DHRS4L2: variants seen among roughly 807,000 people sequenced by gnomAD.
DHRS4L2 encodes the protein dehydrogenase/reductase SDR family member 4-like 2.
Under a neutral mutation model 23.9 loss-of-function variants are expected in DHRS4L2, and 22 were observed. The ratio of observed to expected loss-of-function variants is 0.92; its 90% CI spans 0.66 to 1.31. The LOEUF (loss-of-function observed/expected upper bound fraction) is 1.31. Ranked by LOEUF, DHRS4L2 falls within the 40% of genes most tolerant of loss-of-function variation. The pLI, the probability that DHRS4L2 is intolerant of heterozygous loss-of-function variation, is 0.00. For missense variants in DHRS4L2, 385 were observed against 303.3 expected (o/e 1.27, Z -2.00); for synonymous variants, 141 against 123.7 (o/e 1.14, Z -0.93).
rs547199483 is a variant in DHRS4L2, at chr14:23,973,051, C to T, written c.-176+2719C>T. ...TGTACAATCGGGATTTATACCGAGA[C>T]ATTTAGTTCCCATGGGCAGGCAGGA... is the stretch of plus-strand genomic sequence containing the variant. On this transcript the variant is annotated intron_variant, in intron 1 of 5. Transcript: ENST00000534993. 4.6e-5 allele frequency among the ~76,000 whole-genome samples: 7 copies of T among 151,990 alleles called. No individual in the cohort carries two copies. In the East Asian group the frequency reaches 1.4e-3, roughly 29 times the overall value.
intron 1 of DHRS4L2, among the ~76,000 whole-genome samples, chr14:23,989,698 G>GTT (rs2034226429): frequency 1.3e-5 from 2 of 151,788 alleles, no homozygotes; most frequent in African/African-American, 4.8e-5. Context: ...TGCAGAATGT[G>GTT]TAACTCTTCT....
intron 1 of DHRS4L2, among the ~76,000 whole-genome samples, chr14:23,977,229 T>A (rs754346822): frequency 6.6e-6 from 1 of 151,930 alleles, no homozygotes; most frequent in African/African-American, 2.4e-5. Context: ...TTCTGGGTTC[T>A]TTTTTAAGTA....
At chr14:23,975,279 A>C (rs199952404) in intron 1 of DHRS4L2, among the ~76,000 whole-genome samples, 1 of 151,772 alleles carries the variant, frequency 6.6e-6, no homozygotes, top group Non-Finnish European at 1.5e-5. Flanking sequence ...AAGCATTCCT[A>C]TATGCAAATA....
intron 1 of DHRS4L2, among the ~76,000 whole-genome samples, chr14:23,972,363 G>A (rs1462895512): frequency 2.0e-5 from 3 of 151,862 alleles, no homozygotes; most frequent in Admixed American, 6.6e-5. Context: ...GGAGTTGTTC[G>A]TTCCTCCTGT....
chr14:23,995,222 C>G, intron 3 of DHRS4L2, 89 bp downstream of exon 3: 1 of 1,477,314 alleles, frequency 6.8e-7, no homozygotes, highest in South Asian at 1.1e-5. Context: ...TTCTCAAGGG[C>G]AGTGTAAATG....
intron 1 of DHRS4L2, chr14:23,970,453 CA>C: frequency 2.8e-6 from 1 of 353,426 alleles, no homozygotes; most frequent in Non-Finnish European, 5.6e-6. Context: ...ACAGTGTAAA[CA>C]AAGCTGCAGG....
At position 23,972,446 on chromosome 14, in the gene DHRS4L2, G is replaced by A. The variant is rs1365624006; in HGVS notation, c.-176+2114G>A. ...AGGAGTGAAGCTGCAGACCTTCACG[G>A]TGAGTGTTACAGCTCATAAAGGCAG... On this transcript the variant is annotated intron_variant, in intron 1 of 5. Transcript: ENST00000534993. 3.9e-5 allele frequency among the ~76,000 whole-genome samples: 6 copies of A among 152,150 alleles called. No individual in the cohort carries two copies. In the South Asian group the frequency reaches 8.4e-4, roughly 21 times the overall value.
intron 1 of DHRS4L2, among the ~76,000 whole-genome samples, chr14:23,981,910 A>G (rs1410381763): frequency 6.6e-6 from 1 of 151,794 alleles, no homozygotes; most frequent in African/African-American, 2.4e-5. Context: ...ACCTCCTGCC[A>G]CAGGGTGGTT....
intron 2 of DHRS4L2, among the ~76,000 whole-genome samples, 191 bp from the exon 3 acceptor site, chr14:23,994,841 G>A (rs1266649785): frequency 2.0e-5 from 3 of 151,620 alleles, no homozygotes; most frequent in African/African-American, 7.3e-5. Context: ...TAAAGATAAG[G>A]TCTCGCTGCA....
intron 1 of DHRS4L2, among the ~76,000 whole-genome samples, chr14:23,973,444 G>T (rs944619477): frequency 6.6e-6 from 1 of 151,956 alleles, no homozygotes; most frequent in Non-Finnish European, 1.5e-5. Flanking sequence ...CAGTGCAGCG[G>T]CGGGCTGAAG....
intron 2 of DHRS4L2, among the ~76,000 whole-genome samples, chr14:23,994,195 T>A (rs1022965017): frequency 6.6e-6 from 1 of 151,694 alleles, no homozygotes; most frequent in African/African-American, 2.4e-5. Flanking sequence ...GAGATAATGG[T>A]AACTTATTCA....
At chr14:23,988,719 G>C (rs868770664), upstream of DHRS4L2, 7 of 1,279,844 alleles carry the variant, frequency 5.5e-6, no homozygotes, top group South Asian at 1.3e-4. Context: ...AGAGCGCTTT[G>C]ATCACTCACC....
Position 23,992,023 on chromosome 14 carries a change from C to T in DHRS4L2, c.306+1664C>T, listed in dbSNP as rs182707307. Among the ~76,000 whole-genome samples, 46 of 151,698 alleles carry T rather than the reference C, an allele frequency of 3.0e-4. 1 individual carries two copies. In the East Asian group the frequency reaches 8.5e-3, roughly 28 times the overall value. On this transcript the variant is annotated intron_variant, in intron 2 of 7. Transcript: ENST00000335125. The stretch of plus-strand genomic sequence containing the variant: ...GTGCTGGGATTACAGGCGTGAGCCA[C>T]TGTGCCCGGCCATAGCTTCTTAAAA...
intron 3 of DHRS4L2, among the ~76,000 whole-genome samples, chr14:23,998,695 G>T (rs531862153): frequency 5.9e-5 from 9 of 151,830 alleles, no homozygotes; most frequent in Non-Finnish European, 1.2e-4. Flanking sequence ...TTCTGATTAG[G>T]CTTTGGCTTA....
At position 23,975,353 on chromosome 14, in the gene DHRS4L2, C is replaced by G. The variant is rs532946471; in HGVS notation, c.-176+5021C>G. Among the ~76,000 whole-genome samples the G allele has an allele frequency of 3.9e-3, 585 of 151,712 alleles. 12 individuals carry two copies. The highest frequency in any genetic ancestry group is 0.013 in the African/African-American group (558 of 41,356). ...CAATTGCTACAAAGAGAATAAAATA[C>G]CTAGAAATCCAACTTACAAGGGATG... On this transcript the variant is annotated intron_variant, in intron 1 of 5. Transcript: ENST00000534993.
chr14:24,004,366 C>T lies in DHRS4L2; in HGVS notation c.695C>T (p.Ala232Val), dbSNP rs758888809. The change falls in exon 7 of 8, where the codon GCA becomes GTA. Residue 232 changes from alanine to valine, a missense_variant. Physicochemically the swap from Ala to Val is moderately conservative, Grantham distance 64. Transcript: ENST00000335125. ...GGATGGACAAGGAAAAAGAGGAAAGCATGAAAGAAACCCTGCGGATAAGAA... is the reference window on the plus strand; with the variant it reads ...GGATGGACAAGGAAAAAGAGGAAAGTATGAAAGAAACCCTGCGGATAAGAA... ...CSGWTRKKRK[A>V] 1.2e-6 allele frequency: 2 copies of T among 1,602,490 alleles called. No individual in the cohort carries two copies. The highest frequency in any genetic ancestry group is 1.7e-6 in the Non-Finnish European group (2 of 1,178,352).
chr14:23,976,436 T>C (rs1471536892), intron 1 of DHRS4L2, among the ~76,000 whole-genome samples: 2 of 151,630 alleles, frequency 1.3e-5, no homozygotes, highest in Admixed American at 6.6e-5. Flanking sequence ...AATGGCAACA[T>C]TAAAAAGTCA....
Position 23,977,977 on chromosome 14 carries a change from T to C in DHRS4L2, c.-176+7645T>C, listed in dbSNP as rs1465187020. 2.6e-5 allele frequency among the ~76,000 whole-genome samples: 4 copies of C among 151,698 alleles called. 1 individual carries two copies. Among genetic ancestry groups the C allele is most frequent in the Non-Finnish European group, 4.4e-5 (3 of 67,994 alleles). On this transcript the variant is annotated intron_variant, in intron 1 of 5. Coordinates refer to the DHRS4L2 transcript ENST00000534993. ...CACTCCTCTCTCTCTGGATATAAAA[T>C]TGAAACCTTAACTTCTCCACTTCAG...
rs771254883 is a variant in DHRS4L2, at chr14:23,990,351, G to A, written c.298G>A (p.Val100Met). 2.5e-6 allele frequency: 4 copies of A among 1,610,260 alleles called. No individual in the cohort carries two copies. Among genetic ancestry groups the A allele is most frequent in the South Asian group, 2.2e-5 (2 of 90,640 alleles). ...GAAGGCGGAGGACCGGGAGCGGCTG[G>A]TGGCCATGGTGAGCTGCAGGGAAAT... is the stretch of plus-strand genomic sequence containing the variant. ...VGKAEDRERL[V>M]AMAVKLHGGI... Residue 100 changes from valine to methionine, a missense_variant, in exon 2 of 8, where the codon GTG becomes ATG. Transcript: ENST00000335125.
Sources: allele counts gnomAD v4.1 joint callset (sites outside exome capture counted in the v4.1 genomes callset), GRCh38; gene constraint gnomAD v4.1.1; transcripts MANE v1.5; gene names NCBI Gene and HGNC (gene_info 2026-07-23, HGNC 2026-07-21).